Variants in CTNNA2 observed in about 807,000 individuals in gnomAD.
The protein encoded by CTNNA2 is catenin alpha 2.
A neutral mutation model predicts 101.0 loss-of-function variants in CTNNA2; 42 were observed. That is an observed-to-expected ratio of 0.42 (90% CI 0.32 to 0.54). The LOEUF (loss-of-function observed/expected upper bound fraction) is 0.54, where lower values mean the gene tolerates loss of function less well. Ranked by LOEUF, CTNNA2 falls within the 20% of genes least tolerant of loss-of-function variation. CTNNA2 has a pLI of 0.14. For synonymous variants in CTNNA2, 450 were observed against 456.4 expected (o/e 0.99, Z 0.18); for missense variants, 871 against 1,223.1 (o/e 0.71, Z 4.29).
Position 79,682,117 on chromosome 2 carries a change from A to T in CTNNA2, c.102+30459A>T, listed in dbSNP as rs117591735. Among the ~76,000 whole-genome samples, 45 of 152,196 alleles carry T rather than the reference A, an allele frequency of 3.0e-4. No homozygotes were observed. In the East Asian group the frequency reaches 8.2e-3, roughly 28 times the overall value. ...TTATACCTAAGAATTTGCTTGAAAA[A>T]TCTGAATCTGGCCAGGCGCGGTGGC... On this transcript the variant is annotated intron_variant, in intron 2 of 18. Coordinates refer to ENST00000402739, the MANE Select transcript of CTNNA2 (RefSeq NM_001282597.3).
At chr2:79,418,987 T>C (rs530025626) in intron 4 of CTNNA2, among the ~76,000 whole-genome samples, 2 of 152,288 alleles carry the variant, frequency 1.3e-5, no homozygotes, top group South Asian at 4.1e-4. Flanking sequence ...CTAGGCAAGA[T>C]AATTGGATGC....
chr2:79,968,896 C>T (rs1240790578), intron 7 of CTNNA2, among the ~76,000 whole-genome samples: 1 of 151,846 alleles, frequency 6.6e-6, no homozygotes, highest in African/African-American at 2.4e-5. Context: ...ACTGATCTTC[C>T]AACTACCCCT....
chr2:79,296,953 G>T (rs1290852093), intron 2 of CTNNA2, among the ~76,000 whole-genome samples: 3 of 152,070 alleles, frequency 2.0e-5, no homozygotes, highest in African/African-American at 7.2e-5. Flanking sequence ...TAGGGCCTTT[G>T]CATTCCTGCT....
At chr2:79,721,075 A>T (rs1470870354) in intron 2 of CTNNA2, among the ~76,000 whole-genome samples, 2 of 151,390 alleles carry the variant, frequency 1.3e-5, no homozygotes, top group African/African-American at 4.9e-5. Context: ...TTTTTAAATC[A>T]CATCATGCTT....
intron 12 of CTNNA2, among the ~76,000 whole-genome samples, chr2:80,566,085 T>C (rs1222052475): frequency 6.6e-6 from 1 of 152,230 alleles, no homozygotes; most frequent in Non-Finnish European, 1.5e-5. Flanking sequence ...AGGGCATAGC[T>C]ATTTTTACTG....
chr2:79,857,927 C>T, intron 3 of CTNNA2, 86 bp from the exon 4 acceptor site: 2 of 1,374,124 alleles, frequency 1.5e-6, no homozygotes, highest in Non-Finnish European at 2.0e-6. Context: ...GCAATAAAAA[C>T]AGTAATTGTC....
intron 1 of CTNNA2, among the ~76,000 whole-genome samples, chr2:79,631,887 T>C (rs749477215): frequency 2.9e-4 from 44 of 152,228 alleles, no homozygotes; most frequent in Non-Finnish European, 4.9e-4. Flanking sequence ...ATAACAGTTC[T>C]AGGTGAATTA....
chr2:79,352,040 A>G (rs1312181639), intron 3 of CTNNA2, among the ~76,000 whole-genome samples: 2 of 152,244 alleles, frequency 1.3e-5, no homozygotes, highest in South Asian at 2.1e-4. Context: ...CATTCCTGCC[A>G]ACAGCATATA....
chr2:80,267,612 G>A (rs1673102113), intron 7 of CTNNA2, among the ~76,000 whole-genome samples: 1 of 152,210 alleles, frequency 6.6e-6, no homozygotes, highest in South Asian at 2.1e-4. Flanking sequence ...ATACAAGCTG[G>A]GAAGGAGACG....
intron 16 of CTNNA2, among the ~76,000 whole-genome samples, chr2:80,607,737 T>C (rs915495737): frequency 6.6e-6 from 1 of 151,902 alleles, no homozygotes; most frequent in East Asian, 1.9e-4. Context: ...AACAAATTGA[T>C]TTTCTTCCCC....
At chr2:80,041,299 G>T (rs754003507) in intron 7 of CTNNA2, among the ~76,000 whole-genome samples, 4 of 151,738 alleles carry the variant, frequency 2.6e-5, no homozygotes, top group Non-Finnish European at 5.9e-5. Context: ...CGGCTACATG[G>T]AATATTTCCA....
chr2:80,448,176 C>T (rs915375742), intron 9 of CTNNA2, among the ~76,000 whole-genome samples: 1 of 152,192 alleles, frequency 6.6e-6, no homozygotes, highest in Non-Finnish European at 1.5e-5. Context: ...CCTTCTCCAT[C>T]TTTGTCCTCA....
At chr2:80,214,290 G>A (rs1708105863) in intron 7 of CTNNA2, among the ~76,000 whole-genome samples, 1 of 152,144 alleles carries the variant, frequency 6.6e-6, no homozygotes, top group Non-Finnish European at 1.5e-5. Flanking sequence ...ATTAGGTGAT[G>A]CAGTTTCTTC....
intron 1 of CTNNA2, among the ~76,000 whole-genome samples, chr2:79,520,163 A>T (rs558774285): frequency 6.6e-6 from 1 of 152,338 alleles, no homozygotes; most frequent in South Asian, 2.1e-4. Context: ...TTTTAAGTGA[A>T]TACTTTGTTG....
intron 3 of CTNNA2, among the ~76,000 whole-genome samples, chr2:79,344,524 A>T (rs1254713376): frequency 6.6e-6 from 1 of 152,064 alleles, no homozygotes; most frequent in Non-Finnish European, 1.5e-5. Context: ...GAAACGCAAT[A>T]GCCTCCTACC....
At chr2:80,372,269 C>T (rs953043904) in intron 7 of CTNNA2, among the ~76,000 whole-genome samples, 4 of 100,810 alleles carry the variant, frequency 4.0e-5, no homozygotes, top group African/African-American at 1.3e-4. Context: ...CCACTATAAC[C>T]TTTACTCATT....
intron 2 of CTNNA2, among the ~76,000 whole-genome samples, chr2:79,672,776 C>A (rs1169034898): frequency 1.3e-5 from 2 of 150,596 alleles, no homozygotes; most frequent in Admixed American, 6.6e-5. Context: ...TGGCACAATC[C>A]TCAGCTCACT....
chr2:80,230,341 CT>C (rs999743991), intron 7 of CTNNA2, among the ~76,000 whole-genome samples: 1 of 149,058 alleles, frequency 6.7e-6, no homozygotes, highest in Non-Finnish European at 1.5e-5. Context: ...AGCAATCTTC[CT>C]GCCTTGGTCT....
At chr2:80,509,693 C>T (rs1179433118) in intron 9 of CTNNA2, among the ~76,000 whole-genome samples, 1 of 152,086 alleles carries the variant, frequency 6.6e-6, no homozygotes, top group Non-Finnish European at 1.5e-5. Flanking sequence ...AGATGTGGTC[C>T]CCCTCTGCTG....
Sources: gnomAD v4.1 joint callset for allele counts (sites outside exome capture counted in the v4.1 genomes callset) on GRCh38, gnomAD v4.1.1 for gene constraint, MANE v1.5 for transcripts, NCBI Gene and HGNC (gene_info 2026-07-23, HGNC 2026-07-21) for gene names.